The following TRMT44 variants were observed in gnomAD, a reference collection of about 807,000 sequenced individuals.
TRMT44 encodes the protein tRNA methyltransferase 44 homolog, also known as probable tRNA (uracil-O(2)-)-methyltransferase.
A neutral mutation model predicts 77.3 loss-of-function variants in TRMT44; 78 were observed. The ratio of observed to expected loss-of-function variants is 1.01; its 90% CI spans 0.84 to 1.22. The LOEUF is 1.22. Ranked by LOEUF, TRMT44 falls within the 50% of genes most tolerant of loss-of-function variation. The pLI, the probability that TRMT44 is intolerant of heterozygous loss-of-function variation, is 0.00. For synonymous variants in TRMT44, 391 were observed against 383.3 expected (o/e 1.02, Z -0.23); for missense variants, 1,090 against 964.4 (o/e 1.13, Z -1.73).
the TRMT44 span, among the ~76,000 whole-genome samples, chr4:8,505,274 G>A: frequency 6.6e-6 from 1 of 152,222 alleles, no homozygotes; most frequent in Non-Finnish European, 1.5e-5. Context: ...ACAGGAGGCT[G>A]CAGCCCCTGA....
the TRMT44 span, among the ~76,000 whole-genome samples, chr4:8,503,968 TGGGACA>T: frequency 5.3e-5 from 8 of 152,170 alleles, no homozygotes. Context: ...TCCCAAGCTA[TGGGACA>T]GAGCGTCTCC....
At chr4:8,501,564 T>C in the TRMT44 span, among the ~76,000 whole-genome samples, 2 of 152,236 alleles carry the variant, frequency 1.3e-5, no homozygotes, top group Non-Finnish European at 2.9e-5. This position sits in a 1 kb window ranked among gnomAD's most constrained non-coding sequence, Gnocchi z 4.4. Flanking sequence ...ACTTGGCCAC[T>C]GTGAGAACTC....
chr4:8,440,822 C>G lies in TRMT44; in HGVS notation c.-1C>G. ...CCAGGGCTGTACACCTGCTGGCTGCCATGGCTGAGGTGGGCCGTACCGGGA... is the reference window on the plus strand; with the variant it reads ...CCAGGGCTGTACACCTGCTGGCTGCGATGGCTGAGGTGGGCCGTACCGGGA... On this transcript the variant is annotated 5_prime_UTR_variant, in exon 1 of 11. Transcript: ENST00000389737. The G allele has an allele frequency of 6.9e-7, 1 of 1,454,302 alleles. No homozygotes were observed. The highest frequency in any genetic ancestry group is 9.0e-7 in the Non-Finnish European group (1 of 1,106,712). 90.1% of individuals were successfully genotyped at this position (1,454,302 alleles called of 1,614,324 possible).
chr4:8,441,490 C>T, intron 1 of TRMT44, 49 bp downstream of exon 1: 1 of 1,439,304 alleles, frequency 6.9e-7, no homozygotes, highest in Non-Finnish European at 9.1e-7. Flanking sequence ...AAAAAGCATT[C>T]ATAGAACCTC....
At chr4:8,496,587 A>C (rs1294813517), downstream of TRMT44, among the ~76,000 whole-genome samples, 1 of 152,310 alleles carries the variant, frequency 6.6e-6, no homozygotes, top group South Asian at 2.1e-4. Context: ...CAGCTCCTCT[A>C]AATGAGATGC....
At chr4:8,502,454 A>C in the TRMT44 span, among the ~76,000 whole-genome samples, 8 of 152,358 alleles carry the variant, frequency 5.3e-5, no homozygotes, top group East Asian at 1.5e-3. Context: ...AGTGGGTCTG[A>C]AGTGTGAGTG....
chr4:8,508,058 C>T, the TRMT44 span, among the ~76,000 whole-genome samples: 3 of 152,204 alleles, frequency 2.0e-5, no homozygotes, highest in Non-Finnish European at 2.9e-5. Context: ...AGGTGCCCAC[C>T]ACCATGCCCA....
chr4:8,486,405 C>T (rs1727805315), intron 2 of TRMT44, among the ~76,000 whole-genome samples: 1 of 152,192 alleles, frequency 6.6e-6, no homozygotes, highest in Admixed American at 6.5e-5. Context: ...TATTATTGTA[C>T]ACCTTGAAGG....
intron 2 of TRMT44, among the ~76,000 whole-genome samples, chr4:8,485,484 G>A (rs920860796): frequency 3.3e-5 from 5 of 152,214 alleles, no homozygotes; most frequent in Admixed American, 6.5e-5. Flanking sequence ...AGTGATAACA[G>A]GCTTTAATCC....
At chr4:8,491,001 C>G (rs1274170716) in intron 2 of TRMT44, among the ~76,000 whole-genome samples, 1 of 152,026 alleles carries the variant, frequency 6.6e-6, no homozygotes, top group African/African-American at 2.4e-5. Context: ...GGTGCATTCA[C>G]AAACCTTGAG....
chr4:8,476,103 C>G lies in TRMT44; in HGVS notation c.*102C>G. The G allele has an allele frequency of 1.0e-6, 1 of 1,002,884 alleles. No individual in the cohort carries two copies. The highest frequency in any genetic ancestry group is 1.5e-5 in the South Asian group (1 of 64,732). 62.1% of individuals were successfully genotyped at this position (1,002,884 alleles called of 1,614,324 possible). On this transcript the variant is annotated 3_prime_UTR_variant, in exon 11 of 11. Transcript: ENST00000389737. ...GGTCTCTGCTCTGGCTGTGTTTCAGCCCACCTCCTCCCAGCTTTCTCCACA... is the reference window on the plus strand; with the variant it reads ...GGTCTCTGCTCTGGCTGTGTTTCAGGCCACCTCCTCCCAGCTTTCTCCACA...
intron 2 of TRMT44, among the ~76,000 whole-genome samples, chr4:8,491,098 A>G (rs909844461): frequency 6.6e-6 from 1 of 151,986 alleles, no homozygotes; most frequent in Admixed American, 6.6e-5. Context: ...CCTGAGCTAG[A>G]CATAAAGGTT....
At chr4:8,506,625 C>T in the TRMT44 span, among the ~76,000 whole-genome samples, 1 of 152,356 alleles carries the variant, frequency 6.6e-6, no homozygotes, top group East Asian at 1.9e-4. Context: ...GAGGTGATGG[C>T]TCTGCCCCAG....
intron 5 of TRMT44, 192 bp from the exon 6 acceptor site, chr4:8,454,550 A>G (rs1725667585): frequency 1.7e-6 from 1 of 602,942 alleles, no homozygotes; most frequent in Non-Finnish European, 2.9e-6. Flanking sequence ...GAAGTGGCTA[A>G]GCTGGCCATC....
At chr4:8,473,325 G>T (rs150449790) in intron 10 of TRMT44, 1 of 152,412 alleles carries the variant, frequency 6.6e-6, no homozygotes, top group Non-Finnish European at 1.5e-5. Flanking sequence ...GCCTGGCACC[G>T]TGCTGCCGGG....
intron 1 of TRMT44, 66 bp downstream of exon 1, chr4:8,441,507 A>G (rs1724695741): frequency 4.9e-6 from 7 of 1,431,374 alleles, no homozygotes; most frequent in African/African-American, 2.9e-5. Flanking sequence ...CCTCGGGTCA[A>G]TGAAAAAGTC....
chr4:8,504,046 T>A, the TRMT44 span, among the ~76,000 whole-genome samples: 1 of 152,056 alleles, frequency 6.6e-6, no homozygotes, highest in South Asian at 2.1e-4. This position sits in a 1 kb window ranked among gnomAD's most constrained non-coding sequence, Gnocchi z 5.3. Flanking sequence ...ACCTGCTCTC[T>A]CCTGCTCCCC....
Position 8,449,683 on chromosome 4 carries a change from T to C in TRMT44, c.749T>C (p.Leu250Ser). ...HSKEEWFISVLIFCPERWHSD... is the reference protein window; with the variant it reads ...HSKEEWFISVSIFCPERWHSD... Reference sequence around the variant, plus strand: ...TATTTTTAAAGGTTCATATCTGTTTTAATTTTCTGTCCAGAAAGATGGCAT... The same window carrying C: ...TATTTTTAAAGGTTCATATCTGTTTCAATTTTCTGTCCAGAAAGATGGCAT... The change falls in exon 3 of 11, where the codon TTA (leucine) becomes TCA (serine). Residue 250 changes from leucine (L) to serine (S), a missense_variant. Transcript: ENST00000389737. 6.5e-7 allele frequency: 1 copy of C among 1,535,808 alleles called. No individual in the cohort carries two copies. Among genetic ancestry groups the C allele is most frequent in the Non-Finnish European group, 8.7e-7 (1 of 1,146,648 alleles).
In TRMT44 at chr4:8,488,498, A is replaced by G. The variant is rs963323202; in HGVS notation, n.3892-4768A>G. 3.9e-5 allele frequency among the ~76,000 whole-genome samples: 6 copies of G among 152,360 alleles called. No individual in the cohort carries two copies. The East Asian group carries it at 1.2e-3, about 29-fold the overall frequency. On this transcript the variant is annotated intron_variant and non_coding_transcript_variant, in intron 2 of 2. Coordinates refer to the TRMT44 transcript ENST00000511366. The stretch of plus-strand genomic sequence containing the variant: ...CCGTGGGGAAGCTTTTTGCCTCAGG[A>G]TGAGCCAGGAAAAGGACTTTCACAA...
Sources: allele counts gnomAD v4.1 joint callset (sites outside exome capture counted in the v4.1 genomes callset), GRCh38; gene constraint gnomAD v4.1.1; non-coding constraint Gnocchi (gnomAD v3.1); transcripts MANE v1.5; gene names NCBI Gene and HGNC (gene_info 2026-07-23, HGNC 2026-07-21).